KCNIP4: variants seen among roughly 807,000 people sequenced by gnomAD.
KCNIP4 encodes the protein Kv channel-interacting protein 4.
In KCNIP4, 12 loss-of-function variants were observed where a neutral mutation model predicts 34.0. That is an observed-to-expected ratio of 0.35 (90% CI 0.23 to 0.57). The LOEUF (loss-of-function observed/expected upper bound fraction) is 0.57. Ranked by LOEUF, KCNIP4 falls within the 20% of genes least tolerant of loss-of-function variation. The pLI, the probability that KCNIP4 is intolerant of heterozygous loss-of-function variation, is 0.83. For missense variants in KCNIP4, 238 were observed against 311.7 expected, an observed-to-expected ratio of 0.76 and a Z score of 1.78; for synonymous variants, 124 against 102.2, an observed-to-expected ratio of 1.21 and a Z score of -1.29.
At chr4:21,789,964 C>A (rs1720169170) in intron 1 of KCNIP4, among the ~76,000 whole-genome samples, 1 of 152,152 alleles carries the variant, frequency 6.6e-6, no homozygotes, top group Non-Finnish European at 1.5e-5. Context: ...GGTTTCTTCC[C>A]ATTTTCCATC....
At chr4:21,452,896 ATT>A (rs1276765266) in intron 1 of KCNIP4, among the ~76,000 whole-genome samples, 1 of 151,930 alleles carries the variant, frequency 6.6e-6, no homozygotes, top group African/African-American at 2.4e-5. Flanking sequence ...AAGGGAATGC[ATT>A]CTTTTGTTCT....
At chr4:21,785,745 T>C (rs935513919) in intron 1 of KCNIP4, among the ~76,000 whole-genome samples, 2 of 152,238 alleles carry the variant, frequency 1.3e-5, no homozygotes, top group Non-Finnish European at 2.9e-5. Flanking sequence ...ACCTTTTGTG[T>C]CTAGTTTCTT....
At chr4:21,710,912 G>C (rs1223952023) in intron 1 of KCNIP4, among the ~76,000 whole-genome samples, 4 of 152,030 alleles carry the variant, frequency 2.6e-5, no homozygotes, top group African/African-American at 9.7e-5. Flanking sequence ...GTTTTCAGTT[G>C]TACTGCTATT....
chr4:21,383,779 G>A (rs780640354), intron 1 of KCNIP4, among the ~76,000 whole-genome samples: 2 of 152,042 alleles, frequency 1.3e-5, no homozygotes, highest in Non-Finnish European at 2.9e-5. Flanking sequence ...AACACCCAGA[G>A]GGTTCATTAA....
rs989585821 is a variant in KCNIP4 at position 20,815,705 on chromosome 4, T to C, written c.288+34838A>G. Among the ~76,000 whole-genome samples the C allele has an allele frequency of 2.0e-4, 30 of 152,306 alleles. 1 individual carries two copies. Among genetic ancestry groups the C allele is most frequent in the African/African-American group, 6.7e-4 (28 of 41,558 alleles). ...ATTATGTATGAAATGTTAGACATTG[T>C]CCAGTGGAAGATATATATTATCAAT... On this transcript the variant is annotated intron_variant, in intron 3 of 8. Coordinates refer to ENST00000382152, the MANE Select transcript of KCNIP4 (RefSeq NM_025221.6).
chr4:21,847,165 A>C (rs1560758339), intron 1 of KCNIP4: 1 of 152,134 alleles, frequency 6.6e-6, no homozygotes, highest in Admixed American at 6.5e-5. Context: ...TAGTAACAGA[A>C]GTAATACCTT....
At chr4:21,320,918 T>A (rs1213089754) in intron 1 of KCNIP4, among the ~76,000 whole-genome samples, 1 of 140,634 alleles carries the variant, frequency 7.1e-6, no homozygotes, top group African/African-American at 2.8e-5. Flanking sequence ...CAAACTGAGA[T>A]GGTGCCACTG....
At chr4:21,197,486 TAC>T (rs1756139058) in intron 1 of KCNIP4, among the ~76,000 whole-genome samples, 1 of 152,274 alleles carries the variant, frequency 6.6e-6, no homozygotes, top group East Asian at 1.9e-4. Context: ...TCTCTATTTT[TAC>T]AGATTTTTTT....
chr4:21,249,110 T>C (rs569863302), intron 1 of KCNIP4, among the ~76,000 whole-genome samples: 5 of 152,254 alleles, frequency 3.3e-5, no homozygotes, highest in Admixed American at 3.3e-4. Flanking sequence ...TTTCCTGGTA[T>C]CTTGTAAAGG....
At chr4:20,949,509 T>C (rs1334760885) in intron 1 of KCNIP4, among the ~76,000 whole-genome samples, 1 of 152,086 alleles carries the variant, frequency 6.6e-6, no homozygotes, top group African/African-American at 2.4e-5. Flanking sequence ...CATTACTGGG[T>C]ATATACCCAA....
chr4:21,035,638 A>C (rs977808861), intron 1 of KCNIP4, among the ~76,000 whole-genome samples: 1 of 152,164 alleles, frequency 6.6e-6, no homozygotes, highest in African/African-American at 2.4e-5. Context: ...CATAGTGGAG[A>C]CTGTTTAGGA....
At chr4:20,861,041 G>T (rs751169665) in intron 2 of KCNIP4, among the ~76,000 whole-genome samples, 8 of 152,090 alleles carry the variant, frequency 5.3e-5, no homozygotes, top group Non-Finnish European at 1.0e-4. Context: ...GCTCAAAGAG[G>T]GTGGCATGAT....
intron 1 of KCNIP4, among the ~76,000 whole-genome samples, chr4:21,679,301 G>C (rs1287087216): frequency 6.6e-6 from 1 of 152,048 alleles, no homozygotes; most frequent in East Asian, 1.9e-4. Context: ...TAATTTACTG[G>C]CTTAGTATGT....
intron 3 of KCNIP4, among the ~76,000 whole-genome samples, chr4:20,784,662 T>G (rs1711707580): frequency 6.6e-6 from 1 of 152,164 alleles, no homozygotes; most frequent in Non-Finnish European, 1.5e-5. Flanking sequence ...AAATGATCAT[T>G]TATTCCATAC....
intron 1 of KCNIP4, among the ~76,000 whole-genome samples, chr4:21,458,224 A>G (rs1398394179): frequency 7.1e-6 from 1 of 141,844 alleles, no homozygotes; most frequent in African/African-American, 2.6e-5. Context: ...ATTCCCACCT[A>G]TGAGTGAGAA....
At position 21,166,938 on chromosome 4, in the gene KCNIP4, C is replaced by CAAAAAAAAA. The variant is rs55649635; in HGVS notation, c.62-284238_62-284230dup. 8.0e-5 allele frequency among the ~76,000 whole-genome samples: 3 copies of CAAAAAAAAA among 37,542 alleles called. 1 individual carries two copies. The highest frequency in any genetic ancestry group is 3.2e-4 in the African/African-American group (3 of 9,310). The allele number at this position is 37,542 out of a possible 152,430, so 24.6% of individuals were successfully genotyped here. A position where few individuals can be genotyped will look rare whatever the true frequency, so the allele number is the denominator to read the frequency against. On this transcript the variant is annotated intron_variant, in intron 1 of 8. Transcript: ENST00000382152. ...TGGGGGACAGAGCTACACTCCATCT[C>CAAAAAAAAA]AAAAAAAAAAAAAAAAAAAAAAAAA...
chr4:21,419,450 G>T (rs554058701), intron 1 of KCNIP4, among the ~76,000 whole-genome samples: 16 of 151,990 alleles, frequency 1.1e-4, no homozygotes, highest in African/African-American at 3.6e-4. Flanking sequence ...ATTTAATATC[G>T]CCTCTATTAT....
intron 1 of KCNIP4, among the ~76,000 whole-genome samples, chr4:21,022,474 C>A (rs1012956480): frequency 2.6e-5 from 4 of 152,174 alleles, no homozygotes; most frequent in African/African-American, 9.7e-5. Flanking sequence ...GTTAATACTT[C>A]AAGTATTTTC....
intron 1 of KCNIP4, among the ~76,000 whole-genome samples, chr4:21,666,689 T>G (rs1355959179): frequency 2.0e-5 from 3 of 152,200 alleles, no homozygotes; most frequent in African/African-American, 7.2e-5. Context: ...CACATGGTAC[T>G]TATGCAGAGC....
Sources: allele counts gnomAD v4.1 joint callset (sites outside exome capture counted in the v4.1 genomes callset), GRCh38; gene constraint gnomAD v4.1.1; transcripts MANE v1.5; gene names NCBI Gene and HGNC (gene_info 2026-07-23, HGNC 2026-07-21).